UNC93A: variants seen among roughly 807,000 people sequenced by gnomAD.
The protein encoded by UNC93A is unc-93 homolog A, also known as N-acetylglucosamine transporter UNC93A.
Under a neutral mutation model 47.5 loss-of-function variants are expected in UNC93A, and 43 were observed. The observed-to-expected ratio is 0.91, with a 90% CI of 0.71 to 1.17. The LOEUF is 1.17. UNC93A is among the 50% of genes most tolerant of loss of function. The pLI is 0.00. For synonymous variants in UNC93A, 280 were observed against 258.0 expected (o/e 1.09, Z -0.82); for missense variants, 605 against 577.6 (o/e 1.05, Z -0.49).
intron 1 of UNC93A, among the ~76,000 whole-genome samples, chr6:167,281,165 G>C (rs1783627512): frequency 6.6e-6 from 1 of 151,514 alleles, no homozygotes; most frequent in Non-Finnish European, 1.5e-5. Flanking sequence ...AGCCTCGGTA[G>C]GTCATCCCAC....
chr6:167,304,745 T>G (rs1045997818), intron 5 of UNC93A, among the ~76,000 whole-genome samples: 2 of 152,116 alleles, frequency 1.3e-5, no homozygotes, highest in African/African-American at 4.8e-5. Flanking sequence ...TAATTTTGTA[T>G]TTTTAGTAGA....
intron 2 of UNC93A, 78 bp downstream of exon 2, chr6:167,294,776 C>G: frequency 6.9e-7 from 1 of 1,453,310 alleles, no homozygotes; most frequent in Middle Eastern, 2.1e-4. Flanking sequence ...ACATGAGTTG[C>G]ATTTGCACCT....
rs749503836 is a variant in UNC93A at position 167,315,374 on chromosome 6, G to A, written c.1296G>A (p.Glu432=). 6.2e-7 allele frequency: 1 copy of A among 1,613,934 alleles called. No individual in the cohort carries two copies. The highest frequency in any genetic ancestry group is 8.5e-7 in the Non-Finnish European group (1 of 1,179,878). ...CGTATGGGCTTGTGGAGTGCGTGGA[G>A]TCCAAGAACCCGATCAGACCCCACG... ...MVAYGLVECV[E]SKNPIRPHAP... Residue 432 remains glutamate (E), a synonymous_variant, in exon 8 of 8, where the codon GAG becomes GAA. Coordinates refer to ENST00000230256, the MANE Select transcript of UNC93A (RefSeq NM_018974.4).
upstream of UNC93A, among the ~76,000 whole-genome samples, chr6:167,270,320 C>T (rs955051021): frequency 5.9e-5 from 9 of 152,234 alleles, no homozygotes; most frequent in African/African-American, 7.2e-5. Context: ...GTCAGCCAGG[C>T]GTCATAATCA....
intron 7 of UNC93A, 103 bp downstream of exon 7, chr6:167,308,013 A>T: frequency 2.0e-6 from 3 of 1,501,806 alleles, no homozygotes; most frequent in Non-Finnish European, 2.7e-6. Flanking sequence ...GAGCCAAGAG[A>T]GATGAGTTGG....
At chr6:167,285,308 T>A (rs575144483) in intron 1 of UNC93A, among the ~76,000 whole-genome samples, 2 of 151,990 alleles carry the variant, frequency 1.3e-5, no homozygotes, top group South Asian at 4.2e-4. Flanking sequence ...ATTCGGGAAA[T>A]ACTTCTGAGG....
chr6:167,308,631 G>A (rs978018687), intron 7 of UNC93A, among the ~76,000 whole-genome samples: 1 of 151,868 alleles, frequency 6.6e-6, no homozygotes, highest in Non-Finnish European at 1.5e-5. Context: ...GGGCCCCTAA[G>A]AAGGCGGCCT....
chr6:167,303,140 T>C (rs3010550), intron 4 of UNC93A, among the ~76,000 whole-genome samples: 100,266 of 152,142 alleles, frequency 0.66, 33,208 homozygotes, highest in South Asian at 0.76. Flanking sequence ...TGTAAAAGGG[T>C]GTGCGGTGGG....
intron 1 of UNC93A, among the ~76,000 whole-genome samples, chr6:167,279,237 G>A (rs964332689): frequency 1.6e-4 from 24 of 152,098 alleles, no homozygotes; most frequent in African/African-American, 5.8e-4. Context: ...GGTAACTGAC[G>A]GAGATATATA....
intron 7 of UNC93A, among the ~76,000 whole-genome samples, chr6:167,312,551 A>G (rs13209391): frequency 0.58 from 87,749 of 151,772 alleles, 25,573 homozygotes; most frequent in East Asian, 0.79. Flanking sequence ...ACCATCCAAC[A>G]CCACATTATT....
intron 4 of UNC93A, among the ~76,000 whole-genome samples, chr6:167,300,121 T>C (rs1360143828): frequency 6.6e-6 from 1 of 152,072 alleles, no homozygotes; most frequent in African/African-American, 2.4e-5. Flanking sequence ...AACACCTGGC[T>C]TGAGGACGCA....
chr6:167,293,409 C>T (rs908794130), intron 1 of UNC93A, among the ~76,000 whole-genome samples: 41 of 152,184 alleles, frequency 2.7e-4, no homozygotes, highest in Admixed American at 2.6e-3. Flanking sequence ...CCCACCCGGG[C>T]CTATTGTCGG....
chr6:167,302,871 A>T (rs1778280468), intron 4 of UNC93A, among the ~76,000 whole-genome samples: 1 of 152,114 alleles, frequency 6.6e-6, no homozygotes, highest in Non-Finnish European at 1.5e-5. Context: ...GAAATAAATA[A>T]TTCATAAGGT....
intron 1 of UNC93A, among the ~76,000 whole-genome samples, chr6:167,283,394 A>G (rs1363537406): frequency 6.6e-6 from 1 of 152,070 alleles, no homozygotes; most frequent in Admixed American, 6.5e-5. Context: ...GGGTATAATG[A>G]GGCACATCGG....
rs752056401 is a variant in UNC93A at position 167,298,070 on chromosome 6, G to C, written c.625G>C (p.Gly209Arg). 6.2e-7 allele frequency: 1 copy of C among 1,613,552 alleles called. No homozygotes were observed. The highest frequency in any genetic ancestry group is 1.1e-5 in the South Asian group (1 of 91,042). Residue 209 changes from glycine (G) to arginine (R), a missense_variant and splice_region_variant, in exon 4 of 8, where the codon GGG (glycine) becomes CGG (arginine). By Grantham distance (125) the Gly-to-Arg change is moderately radical. Transcript: ENST00000230256. ...CTACACCCTCCTGGGCATCTACACT[G>C]GTACGAGCTCCATCGGCCCAGGGCA... ...LVYTLLGIYTGSGVLAVLMIA... is the reference protein window; with the variant it reads ...LVYTLLGIYTRSGVLAVLMIA...
intron 1 of UNC93A, among the ~76,000 whole-genome samples, chr6:167,271,940 G>A (rs1440772783): frequency 1.3e-5 from 2 of 152,202 alleles, no homozygotes; most frequent in Non-Finnish European, 2.9e-5. Context: ...GTTCCTAGTA[G>A]TCAAGTTTGC....
At chr6:167,270,167 CT>C (rs1783428726), upstream of UNC93A, among the ~76,000 whole-genome samples, 1 of 152,064 alleles carries the variant, frequency 6.6e-6, no homozygotes, top group Non-Finnish European at 1.5e-5. Flanking sequence ...GCTGTGGCAT[CT>C]ATTGACCATG....
intron 6 of UNC93A, among the ~76,000 whole-genome samples, chr6:167,306,262 C>CATT (rs1778389680): frequency 6.6e-6 from 1 of 152,214 alleles, no homozygotes. Flanking sequence ...TGGGCAGGCA[C>CATT]TGTGCTCGGC....
intron 1 of UNC93A, among the ~76,000 whole-genome samples, chr6:167,276,867 C>T (rs79816968): frequency 0.025 from 3,871 of 152,344 alleles, 77 homozygotes; most frequent in East Asian, 0.072. Flanking sequence ...CCTTTGGTAC[C>T]AATAAACATG....
Sources: gnomAD v4.1 joint callset for allele counts (sites outside exome capture counted in the v4.1 genomes callset) on GRCh38, gnomAD v4.1.1 for gene constraint, MANE v1.5 for transcripts, NCBI Gene and HGNC (gene_info 2026-07-23, HGNC 2026-07-21) for gene names.